Variants in LDLRAD3 observed in about 807,000 individuals in gnomAD.
LDLRAD3 encodes the protein low-density lipoprotein receptor class A domain-containing protein 3.
Under a neutral mutation model 29.4 loss-of-function variants are expected in LDLRAD3, and 20 were observed. The observed-to-expected ratio is 0.68, with a 90% CI of 0.48 to 0.99. LDLRAD3 has a LOEUF of 0.99. Ranked by LOEUF, LDLRAD3 falls within the 50% of genes least tolerant of loss-of-function variation. LDLRAD3 has a pLI of 0.00. For synonymous variants in LDLRAD3, 157 were observed against 192.7 expected, an observed-to-expected ratio of 0.81 and a Z score of 1.53; for missense variants, 420 against 454.3, an observed-to-expected ratio of 0.92 and a Z score of 0.69.
At position 36,044,580 on chromosome 11, in the gene LDLRAD3, A is replaced by G. The variant is rs543547508; in HGVS notation, c.193+8331A>G. Among the ~76,000 whole-genome samples the G allele has an allele frequency of 6.4e-4, 98 of 152,332 alleles. 1 individual carries two copies. Among genetic ancestry groups the G allele is most frequent in the African/African-American group, 2.2e-3 (91 of 41,568 alleles). On this transcript the variant is annotated intron_variant, in intron 2 of 5. Coordinates refer to ENST00000315571, the MANE Select transcript of LDLRAD3 (RefSeq NM_174902.4). ...CTCTTAGTTTGAGAGCCTGTGCCAC[A>G]GAAACACCTTCATCTGCTAGGCCAG...
intron 2 of LDLRAD3, among the ~76,000 whole-genome samples, chr11:36,050,934 T>C (rs911883822): frequency 1.1e-4 from 16 of 152,134 alleles, no homozygotes; most frequent in African/African-American, 3.9e-4. Flanking sequence ...CCTCATATGG[T>C]GTAAAGGATG....
rs950158882 is a variant in LDLRAD3, at chr11:36,231,475, T to C, written c.*2078T>C. ...TCTCCTGTGAGTCAGAAGGGCTTTA[T>C]TTCTCCCTTTGATGGGGCCCCTTCT... On this transcript the variant is annotated 3_prime_UTR_variant, in exon 6 of 6. Transcript: ENST00000315571. 6.6e-6 allele frequency: 1 copy of C among 152,162 alleles called. No individual in the cohort carries two copies. The highest frequency in any genetic ancestry group is 2.4e-5 in the African/African-American group (1 of 41,438). 9.4% of individuals were successfully genotyped at this position (152,162 alleles called of 1,614,324 possible).
chr11:36,217,928 T>C (rs1470127525), intron 4 of LDLRAD3, among the ~76,000 whole-genome samples: 1 of 152,202 alleles, frequency 6.6e-6, no homozygotes, highest in Non-Finnish European at 1.5e-5. Flanking sequence ...CAGAATGAGC[T>C]CATCTTGAAA....
chr11:36,192,044 CT>C (rs1333352405), intron 4 of LDLRAD3, among the ~76,000 whole-genome samples: 1 of 152,080 alleles, frequency 6.6e-6, no homozygotes, highest in East Asian at 1.9e-4. Flanking sequence ...AGGCAGTAAG[CT>C]TTCAAAAGAG....
At chr11:36,076,719 T>G (rs1045285397) in intron 2 of LDLRAD3, among the ~76,000 whole-genome samples, 4 of 152,182 alleles carry the variant, frequency 2.6e-5, no homozygotes, top group African/African-American at 9.6e-5. Flanking sequence ...GCAACTTCTT[T>G]CTCTGACAGA....
At chr11:35,954,853 T>G (rs908131412) in intron 1 of LDLRAD3, among the ~76,000 whole-genome samples, 1 of 152,254 alleles carries the variant, frequency 6.6e-6, no homozygotes, top group African/African-American at 2.4e-5. Flanking sequence ...TCTGACAGGC[T>G]AATGAAAACT....
At chr11:36,056,840 C>T (rs995357294) in intron 2 of LDLRAD3, among the ~76,000 whole-genome samples, 132 of 152,244 alleles carry the variant, frequency 8.7e-4, no homozygotes, top group South Asian at 4.1e-4. Flanking sequence ...TACACGATAC[C>T]TCTCCCTTCA....
At chr11:36,170,974 G>A (rs1429797011) in intron 4 of LDLRAD3, among the ~76,000 whole-genome samples, 1 of 152,000 alleles carries the variant, frequency 6.6e-6, no homozygotes, top group Non-Finnish European at 1.5e-5. Context: ...GCTAATTTTT[G>A]TATTTTTAGT....
At chr11:36,132,347 C>T (rs929764342) in intron 4 of LDLRAD3, among the ~76,000 whole-genome samples, 3 of 151,862 alleles carry the variant, frequency 2.0e-5, no homozygotes, top group South Asian at 4.2e-4. Flanking sequence ...AAACGTGTGA[C>T]TGTGTGTGTG....
intron 4 of LDLRAD3, among the ~76,000 whole-genome samples, chr11:36,152,535 C>G (rs549960330): frequency 7.2e-5 from 11 of 152,284 alleles, no homozygotes; most frequent in African/African-American, 2.4e-4. Flanking sequence ...ACCCGTGTCC[C>G]TATTCACTCC....
chr11:35,976,717 G>A (rs2133152623), intron 1 of LDLRAD3, among the ~76,000 whole-genome samples: 1 of 152,264 alleles, frequency 6.6e-6, no homozygotes, highest in African/African-American at 2.4e-5. Context: ...TTAGTCTGGT[G>A]GGGGTGGGGA....
intron 1 of LDLRAD3, chr11:35,997,395 G>C (rs1590715587): frequency 2.3e-6 from 1 of 436,318 alleles, no homozygotes; most frequent in East Asian, 6.0e-5. Context: ...ATGTTTTTCT[G>C]TTTCTTTCCA....
chr11:36,145,546 G>A (rs562879699), intron 4 of LDLRAD3, among the ~76,000 whole-genome samples: 2,491 of 146,736 alleles, frequency 0.017, 85 homozygotes, highest in African/African-American at 0.058. Flanking sequence ...TGACAATGGC[G>A]GTTTTGTGGA....
chr11:36,166,801 A>G (rs147781321), intron 4 of LDLRAD3, among the ~76,000 whole-genome samples: 288 of 152,294 alleles, frequency 1.9e-3, no homozygotes, highest in Non-Finnish European at 3.6e-3. Context: ...ATTCTGATTC[A>G]GTAGGTCCAG....
At chr11:36,012,260 A>T (rs938898280) in intron 1 of LDLRAD3, among the ~76,000 whole-genome samples, 1 of 152,214 alleles carries the variant, frequency 6.6e-6, no homozygotes, top group Non-Finnish European at 1.5e-5. Context: ...CTAAGCACTT[A>T]TCACACACTC....
At chr11:36,076,261 C>T (rs535752942) in intron 2 of LDLRAD3, among the ~76,000 whole-genome samples, 3 of 152,232 alleles carry the variant, frequency 2.0e-5, no homozygotes, top group East Asian at 3.9e-4. Context: ...TCCATCCATC[C>T]ATCCTGTCTG....
chr11:36,168,999 T>G (rs1307156782), intron 4 of LDLRAD3, among the ~76,000 whole-genome samples: 1 of 152,206 alleles, frequency 6.6e-6, no homozygotes, highest in Non-Finnish European at 1.5e-5. Flanking sequence ...ATATGAGGAA[T>G]GACTGTATTC....
chr11:36,146,773 C>CTTTTATTTTATTTTATTTTATTTTAT (rs374445667), intron 4 of LDLRAD3, among the ~76,000 whole-genome samples: 1 of 143,828 alleles, frequency 7.0e-6, no homozygotes, highest in Middle Eastern at 3.4e-3. Context: ...TTTCCCTCTA[C>CTTTTATTTTATTTTATTTTATTTTAT]TTTATTTTAT....
intron 4 of LDLRAD3, among the ~76,000 whole-genome samples, chr11:36,178,992 C>T (rs949709333): frequency 6.6e-6 from 1 of 152,178 alleles, no homozygotes; most frequent in Admixed American, 6.5e-5. Context: ...CTATCAGAAG[C>T]CGTCCTTAAT....
Sources: allele counts gnomAD v4.1 joint callset (sites outside exome capture counted in the v4.1 genomes callset), GRCh38; gene constraint gnomAD v4.1.1; transcripts MANE v1.5; gene names NCBI Gene and HGNC (gene_info 2026-07-23, HGNC 2026-07-21).